AXIN1: variants seen among roughly 807,000 people sequenced by gnomAD.
AXIN1 encodes axin 1.
In AXIN1, 30 loss-of-function variants were observed where a neutral mutation model predicts 76.4. The ratio of observed to expected loss-of-function variants is 0.39; its 90% CI spans 0.29 to 0.53. The LOEUF (loss-of-function observed/expected upper bound fraction) is 0.53. Ranked by LOEUF, AXIN1 falls within the 20% of genes least tolerant of loss-of-function variation. AXIN1 has a pLI of 0.66. For missense variants in AXIN1, 1,140 were observed against 1,198.8 expected (o/e 0.95, Z 0.72); for synonymous variants, 545 against 501.4 (o/e 1.09, Z -1.16).
chr16:299,295 T>C, intron 5 of AXIN1: 1 of 927,602 alleles, frequency 1.1e-6, no homozygotes, highest in South Asian at 4.9e-5. Flanking sequence ...AAAACAGTAT[T>C]GAGTAAATCT....
In AXIN1 at chr16:290,982, C is replaced by T. The variant is rs1228525870; in HGVS notation, c.2294+208G>A. The T allele has an allele frequency of 6.4e-6, 4 of 628,482 alleles. No homozygotes were observed. In the East Asian group the frequency reaches 8.3e-5, roughly 13 times the overall value. 38.9% of individuals were successfully genotyped at this position (628,482 alleles called of 1,614,324 possible). On this transcript the variant is annotated intron_variant, in intron 9 of 10. Transcript: ENST00000262320. ...GGCCTTTTGGTCACTTGTCATCATG[C>T]TGGACAGTCAGCGTCTCCTTTGATG...
chr16:343,577 C>T (rs1434515697), intron 2 of AXIN1, among the ~76,000 whole-genome samples: 1 of 150,870 alleles, frequency 6.6e-6, no homozygotes, highest in African/African-American at 2.4e-5. Flanking sequence ...GTAGCTCACA[C>T]TTGTAATCCC....
intron 7 of AXIN1, among the ~76,000 whole-genome samples, chr16:294,702 T>C (rs2052659885): frequency 7.0e-6 from 1 of 142,320 alleles, no homozygotes; most frequent in Non-Finnish European, 1.5e-5. Flanking sequence ...TTGCAGTGCG[T>C]TGACACTGGC....
At chr16:317,174 G>C (rs757460) in intron 2 of AXIN1, among the ~76,000 whole-genome samples, 57,472 of 152,034 alleles carry the variant, frequency 0.38, 12,496 homozygotes, top group African/African-American at 0.59. Flanking sequence ...AAGATGGGAG[G>C]GGGGCAGGCA....
intron 7 of AXIN1, among the ~76,000 whole-genome samples, chr16:294,920 C>T (rs965316116): frequency 7.9e-5 from 12 of 151,240 alleles, no homozygotes; most frequent in Non-Finnish European, 1.2e-4. Flanking sequence ...AAAAATTAGC[C>T]GGGCGTGGTG....
In AXIN1 at chr16:329,660, GGCTAGAGT is replaced by G. The variant is rs564989984; in HGVS notation, c.879-14985_879-14978del. Among the ~76,000 whole-genome samples the G allele has an allele frequency of 1.8e-3, 266 of 151,874 alleles. 4 individuals carry two copies. Among genetic ancestry groups the G allele is most frequent in the African/African-American group, 5.4e-3 (224 of 41,428 alleles). ...AGACGGAGTCTCGCTATGTCGCCCA[GGCTAGAGT>G]GCTGGAGTGCAGTGGCGCAGTCTTG... On this transcript the variant is annotated intron_variant, in intron 2 of 10. Coordinates refer to ENST00000262320, the MANE Select transcript of AXIN1 (RefSeq NM_003502.4).
intron 2 of AXIN1, among the ~76,000 whole-genome samples, chr16:344,259 G>A (rs1194516215): frequency 6.6e-6 from 1 of 151,644 alleles, no homozygotes; most frequent in African/African-American, 2.4e-5. Context: ...GTGAAACCCA[G>A]TCTCTACTAA....
At position 346,064 on chromosome 16, in the gene AXIN1, C is replaced by A. The variant is rs2054026917; in HGVS notation, c.878+84G>T. 6 of 1,418,478 alleles carry A rather than the reference C, an allele frequency of 4.2e-6. No homozygotes were observed. In the South Asian group the frequency reaches 4.7e-5, roughly 11 times the overall value. 87.9% of individuals were successfully genotyped at this position (1,418,478 alleles called of 1,614,324 possible). On this transcript the variant is annotated intron_variant, in intron 2 of 10. Coordinates refer to ENST00000262320, the MANE Select transcript of AXIN1 (RefSeq NM_003502.4). ...GCAGGACATCCGGTGTGGGTTAACG[C>A]CCGCCTCATCAGCACCTTTCCCTGG...
At chr16:314,262 C>T (rs1187540145) in intron 3 of AXIN1, among the ~76,000 whole-genome samples, 2 of 152,204 alleles carry the variant, frequency 1.3e-5, no homozygotes, top group Non-Finnish European at 2.9e-5. Context: ...ACAGCCTCTG[C>T]GGTACAGCCT....
rs368430061 is a variant in AXIN1 at position 289,583 on chromosome 16, G to A, written c.2319C>T (p.Gly773=). 2.0e-5 allele frequency: 33 copies of A among 1,612,734 alleles called. No individual in the cohort carries two copies. The highest frequency in any genetic ancestry group is 4.0e-5 in the African/African-American group (3 of 74,916). ...ETETRSQRKV[G]GGSAQPCDSI... ...TGTCACACGGCTGGGCACTCCCGCC[G>A]CCCACCTTCCTCTGCGATCTTGTCC... Residue 773 remains glycine, a synonymous_variant, in exon 10 of 11, where the codon GGC becomes GGT. Transcript: ENST00000262320.
At chr16:316,602 G>C (rs542898721) in intron 2 of AXIN1, among the ~76,000 whole-genome samples, 1 of 152,164 alleles carries the variant, frequency 6.6e-6, no homozygotes, top group Non-Finnish European at 1.5e-5. Flanking sequence ...CGCACAGAGC[G>C]GTAAGACTGC....
Position 349,423 on chromosome 16 carries a change from C to A in AXIN1, c.-81-2317G>T, listed in dbSNP as rs547732861. On this transcript the variant is annotated intron_variant, in intron 1 of 10. Coordinates refer to ENST00000262320, the MANE Select transcript of AXIN1 (RefSeq NM_003502.4). ...CACGGTCATCTGTCTGGGACGCCAT[C>A]ACAGGAAAGAAGGCCTGCACCCTGA... is the stretch of plus-strand genomic sequence containing the variant. 5.9e-5 allele frequency among the ~76,000 whole-genome samples: 9 copies of A among 152,316 alleles called. No homozygotes were observed. The East Asian group carries it at 9.7e-4, about 16-fold the overall frequency.
At chr16:325,244 G>A (rs984716582) in intron 2 of AXIN1, among the ~76,000 whole-genome samples, 6 of 152,224 alleles carry the variant, frequency 3.9e-5, no homozygotes, top group Admixed American at 1.3e-4. Context: ...CCTGTCGCTC[G>A]AGGTCAGTCG....
chr16:301,052 C>T (rs1370243938), intron 5 of AXIN1, among the ~76,000 whole-genome samples: 2 of 152,044 alleles, frequency 1.3e-5, no homozygotes, highest in Non-Finnish European at 1.5e-5. Flanking sequence ...GGGTGGATCA[C>T]AAGGTCGGGA....
intron 7 of AXIN1, among the ~76,000 whole-genome samples, chr16:295,230 G>A (rs59260763): frequency 0.21 from 31,197 of 150,506 alleles, 3,562 homozygotes; most frequent in African/African-American, 0.27. Context: ...CTCAGCCACC[G>A]AGTAGCTGGG....
Position 293,812 on chromosome 16 carries a change from G to A in AXIN1, c.1956-94C>T. On this transcript the variant is annotated intron_variant, in intron 7 of 10. Transcript: ENST00000262320. The surrounding 1 kb of genome is among the most constrained non-coding windows in gnomAD (Gnocchi z 4.6). ...CTCATCTCACAAGGGCAGCCTCCTT[G>A]AGGGATAGGATGGGATGGGGCACTG... 7.9e-7 allele frequency: 1 copy of A among 1,263,794 alleles called. No individual in the cohort carries two copies. Among genetic ancestry groups the A allele is most frequent in the Non-Finnish European group, 1.1e-6 (1 of 873,900 alleles). 78.3% of individuals were successfully genotyped at this position (1,263,794 alleles called of 1,614,324 possible).
At chr16:303,678 G>A (rs1055132632) in intron 5 of AXIN1, among the ~76,000 whole-genome samples, 7 of 152,034 alleles carry the variant, frequency 4.6e-5, no homozygotes, top group East Asian at 3.9e-4. Context: ...CCACTCGCCC[G>A]CCCGTTTCCC....
rs771405148 is a variant in AXIN1 at position 346,853 on chromosome 16, G to T, written c.173C>A (p.Thr58Lys). The T allele has an allele frequency of 6.2e-7, 1 of 1,613,592 alleles. No homozygotes were observed. The highest frequency in any genetic ancestry group is 1.1e-5 in the South Asian group (1 of 91,074). Residue 58 changes from threonine to lysine, a missense_variant, in exon 2 of 11, where the codon ACG (threonine) becomes AAG (lysine). By Grantham distance (78) the Thr-to-Lys change is moderately conservative. Transcript: ENST00000262320. ...KGVGIKGETS[T>K]ATPRRSDLDL... ...CAGATCCGAGCGCCTCGGAGTGGCC[G>T]TCGAAGTCTCACCTTTAATGCCAAC... is the stretch of plus-strand genomic sequence containing the variant.
At chr16:330,815 A>G (rs1056235405) in intron 2 of AXIN1, among the ~76,000 whole-genome samples, 1 of 152,228 alleles carries the variant, frequency 6.6e-6, no homozygotes, top group African/African-American at 2.4e-5. Context: ...CCAGGAATTT[A>G]CTGGTTCCAA....
Sources: allele counts gnomAD v4.1 joint callset (sites outside exome capture counted in the v4.1 genomes callset), GRCh38; gene constraint gnomAD v4.1.1; non-coding constraint Gnocchi (gnomAD v3.1); transcripts MANE v1.5; gene names NCBI Gene and HGNC (gene_info 2026-07-23, HGNC 2026-07-21).